BABAM2: variants seen among roughly 807,000 people sequenced by gnomAD.
The protein encoded by BABAM2 is BRISC and BRCA1-A complex member 2.
Under a neutral mutation model 54.7 loss-of-function variants are expected in BABAM2, and 31 were observed. The observed-to-expected ratio is 0.57, with a 90% CI of 0.43 to 0.77. The LOEUF is 0.77. Among genes scored for constraint, BABAM2 ranks in the 30% least tolerant of loss-of-function variants. The pLI is 0.00. For missense variants in BABAM2, 364 were observed against 455.8 expected (o/e 0.80, Z 1.83); for synonymous variants, 167 against 162.9 (o/e 1.03, Z -0.19).
At chr2:28,022,224 G>C (rs1675324522) in intron 4 of BABAM2, among the ~76,000 whole-genome samples, 2 of 152,040 alleles carry the variant, frequency 1.3e-5, no homozygotes, top group Admixed American at 6.5e-5. Flanking sequence ...GGGAGCCAAA[G>C]TAAACAATTC....
At chr2:28,057,826 T>TC (rs1678550883) in intron 6 of BABAM2, among the ~76,000 whole-genome samples, 1 of 152,112 alleles carries the variant, frequency 6.6e-6, no homozygotes, top group Non-Finnish European at 1.5e-5. Flanking sequence ...TGGAACGGCC[T>TC]TGAAAGACTT....
At chr2:28,029,072 G>A (rs1676109065) in intron 5 of BABAM2, among the ~76,000 whole-genome samples, 1 of 151,978 alleles carries the variant, frequency 6.6e-6, no homozygotes, top group Non-Finnish European at 1.5e-5. Context: ...TGGCCTCTTC[G>A]GCTTTTTCTT....
chr2:28,018,589 G>C (rs1020660180), intron 4 of BABAM2, among the ~76,000 whole-genome samples: 1 of 152,102 alleles, frequency 6.6e-6, no homozygotes, highest in African/African-American at 2.4e-5. Flanking sequence ...ACACTGTTTT[G>C]CATAGTGGTT....
At chr2:28,254,670 GT>G (rs1477257748) in intron 10 of BABAM2, among the ~76,000 whole-genome samples, 1 of 148,188 alleles carries the variant, frequency 6.7e-6, no homozygotes, top group Non-Finnish European at 1.5e-5. Flanking sequence ...CAAGGGAAAT[GT>G]TGTTTTACCT....
chr2:28,024,703 G>T (rs1196137517), intron 4 of BABAM2, among the ~76,000 whole-genome samples: 1 of 152,054 alleles, frequency 6.6e-6, no homozygotes. Flanking sequence ...TCTATTTTAT[G>T]CCTATCTTTT....
intron 11 of BABAM2, among the ~76,000 whole-genome samples, chr2:28,334,859 G>A (rs1691289836): frequency 2.0e-5 from 3 of 152,084 alleles, no homozygotes; most frequent in Admixed American, 6.5e-5. Flanking sequence ...TGCCCTGCCC[G>A]GCCTTGCCTA....
intron 4 of BABAM2, among the ~76,000 whole-genome samples, chr2:28,015,292 A>G (rs1307695524): frequency 6.6e-6 from 1 of 152,226 alleles, no homozygotes; most frequent in Non-Finnish European, 1.5e-5. Flanking sequence ...AAATAAAGGT[A>G]TACAAGGGGA....
At chr2:27,960,044 C>T (rs2148426501) in intron 3 of BABAM2, among the ~76,000 whole-genome samples, 1 of 151,992 alleles carries the variant, frequency 6.6e-6, no homozygotes, top group African/African-American at 2.4e-5. Context: ...TTTTTTTCCC[C>T]ACTTCATCTT....
intron 6 of BABAM2, among the ~76,000 whole-genome samples, chr2:28,071,072 C>T (rs568670222): frequency 6.6e-6 from 1 of 151,982 alleles, no homozygotes; most frequent in South Asian, 2.1e-4. Context: ...TTAGAGAGTT[C>T]TTCCTTCTCT....
chr2:28,166,981 A>G (rs553469188), intron 7 of BABAM2, among the ~76,000 whole-genome samples: 50 of 152,306 alleles, frequency 3.3e-4, no homozygotes, highest in African/African-American at 1.2e-3. Context: ...ATAGATTGAG[A>G]CTGGATATAG....
intron 11 of BABAM2, chr2:28,308,289 C>A: frequency 2.4e-6 from 1 of 411,908 alleles, no homozygotes; most frequent in South Asian, 2.0e-5. Context: ...CCACACATCA[C>A]CCACCTGCCA....
chr2:27,935,602 A>G (rs950080755), intron 3 of BABAM2, among the ~76,000 whole-genome samples: 10 of 152,252 alleles, frequency 6.6e-5, no homozygotes, highest in African/African-American at 2.4e-4. Context: ...AAGCTTCGCC[A>G]GGGTTTGAGA....
intron 11 of BABAM2, chr2:28,327,518 T>C: frequency 1.4e-6 from 2 of 1,457,280 alleles, no homozygotes; most frequent in Non-Finnish European, 1.8e-6. Context: ...TGTCTAGAAA[T>C]GGATCTCAGT....
At chr2:27,961,373 C>G (rs1670454988) in intron 3 of BABAM2, among the ~76,000 whole-genome samples, 1 of 152,140 alleles carries the variant, frequency 6.6e-6, no homozygotes, top group South Asian at 2.1e-4. Context: ...AACCATTCTG[C>G]TTTTCACTTC....
At chr2:28,122,208 A>G (rs1265860860) in intron 6 of BABAM2, among the ~76,000 whole-genome samples, 1 of 152,124 alleles carries the variant, frequency 6.6e-6, no homozygotes, top group Non-Finnish European at 1.5e-5. Flanking sequence ...AGGGTAGGCA[A>G]CAAAACTCAT....
rs147339883 is a variant in BABAM2 at position 28,239,146 on chromosome 2, ATC to A, written c.780+1847_780+1848del. Among the ~76,000 whole-genome samples, 867 of 152,288 alleles carry A rather than the reference ATC, an allele frequency of 5.7e-3. 7 individuals carry two copies. Among genetic ancestry groups the A allele is most frequent in the African/African-American group, 0.02 (817 of 41,564 alleles). ...ACAAAGCCACTTAAGCAAACTTATC[ATC>A]TGTTTTTCTTTTCTCAAAATAACAT... is the stretch of plus-strand genomic sequence containing the variant. On this transcript the variant is annotated intron_variant, in intron 8 of 11. Transcript: ENST00000379624.
intron 11 of BABAM2, among the ~76,000 whole-genome samples, chr2:28,332,700 C>T (rs11889275): frequency 0.17 from 25,755 of 152,200 alleles, 3,120 homozygotes; most frequent in East Asian, 0.58. Flanking sequence ...CAGCATCATC[C>T]CTGGTCAAGC....
chr2:28,310,330 C>A, intron 11 of BABAM2: 1 of 592,726 alleles, frequency 1.7e-6, no homozygotes, highest in Non-Finnish European at 2.9e-6. Context: ...TGTTTACAGC[C>A]CAGCTCAGTC....
chr2:28,285,005 T>C (rs1477968089), intron 10 of BABAM2, among the ~76,000 whole-genome samples: 1 of 152,190 alleles, frequency 6.6e-6, no homozygotes, highest in African/African-American at 2.4e-5. Flanking sequence ...TTAGAGAGTA[T>C]AGTCAGTTGC....
Sources: gnomAD v4.1 joint callset for allele counts (sites outside exome capture counted in the v4.1 genomes callset) on GRCh38, gnomAD v4.1.1 for gene constraint, MANE v1.5 for transcripts, NCBI Gene and HGNC (gene_info 2026-07-23, HGNC 2026-07-21) for gene names.